AQP4: variants seen among roughly 807,000 people sequenced by gnomAD.
The protein encoded by AQP4 is aquaporin-4.
A neutral mutation model predicts 27.8 loss-of-function variants in AQP4; 18 were observed. The ratio of observed to expected loss-of-function variants is 0.65; its 90% CI spans 0.45 to 0.96. The LOEUF is 0.96. Ranked by LOEUF, AQP4 falls within the 40% of genes least tolerant of loss-of-function variation. The pLI, the probability that AQP4 is intolerant of heterozygous loss-of-function variation, is 0.00. For missense variants in AQP4, 412 were observed against 408.2 expected, an observed-to-expected ratio of 1.01 and a Z score of -0.08; for synonymous variants, 141 against 142.9, an observed-to-expected ratio of 0.99 and a Z score of 0.10.
At chr18:26,862,855 G>A (rs997994675) in intron 1 of AQP4, 15 of 556,124 alleles carry the variant, frequency 2.7e-5, no homozygotes, top group Non-Finnish European at 4.5e-5. Context: ...AAGGAAAAAT[G>A]TCTAAATCAA....
chr18:26,856,525 G>A lies in AQP4; in HGVS notation c.694-36C>T, dbSNP rs1568065379. 1.9e-6 allele frequency: 3 copies of A among 1,608,130 alleles called. No individual in the cohort carries two copies. In the South Asian group the frequency reaches 3.3e-5, roughly 18 times the overall value. On this transcript the variant is annotated intron_variant, in intron 4 of 4. Transcript: ENST00000383168. ...GATGGAAGAGGATAGAGTGTAAGTA[G>A]AGAAAAGCTATTCCATTGAGCAGCT...
intron 1 of AQP4, among the ~76,000 whole-genome samples, chr18:26,865,069 GAT>G (rs1281080919): frequency 6.7e-6 from 1 of 149,034 alleles, no homozygotes; most frequent in Non-Finnish European, 1.5e-5. Flanking sequence ...ACAAAAATCT[GAT>G]CTTCTTCCAA....
chr18:26,855,520 T>C lies in AQP4; in HGVS notation c.*691A>G, dbSNP rs2054826113. The C allele has an allele frequency of 6.6e-6, 1 of 152,492 alleles. No individual in the cohort carries two copies. Among genetic ancestry groups the C allele is most frequent in the South Asian group, 2.1e-4 (1 of 4,840 alleles). 9.4% of individuals were successfully genotyped at this position (152,492 alleles called of 1,614,324 possible). ...TTGTCTTGAATCTCAATAGGTGCCCTTATGATTTGGGAAGGATTTCTGAAT... is the reference window on the plus strand; with the variant it reads ...TTGTCTTGAATCTCAATAGGTGCCCCTATGATTTGGGAAGGATTTCTGAAT... On this transcript the variant is annotated 3_prime_UTR_variant, in exon 5 of 5. Coordinates refer to ENST00000383168, the MANE Select transcript of AQP4 (RefSeq NM_001650.7).
At chr18:26,859,915 C>T (rs1001846508) in intron 4 of AQP4, among the ~76,000 whole-genome samples, 3 of 152,104 alleles carry the variant, frequency 2.0e-5, no homozygotes, top group Non-Finnish European at 4.4e-5. Flanking sequence ...TAAAAGCTAG[C>T]GCTCTTTGAA....
intron 1 of AQP4, chr18:26,865,337 A>G: frequency 2.2e-6 from 1 of 460,386 alleles, no homozygotes; most frequent in East Asian, 4.3e-5. Context: ...AGCTTCATCC[A>G]CTCCAGGACA....
intron 4 of AQP4, among the ~76,000 whole-genome samples, chr18:26,858,700 A>G (rs747872626): frequency 1.3e-5 from 2 of 152,244 alleles, no homozygotes; most frequent in African/African-American, 2.4e-5. Flanking sequence ...GGAGACTAGA[A>G]CAGCAAAATA....
At position 26,855,510 on chromosome 18, in the gene AQP4, A is replaced by G. The variant is rs1163233127; in HGVS notation, c.*701T>C. On this transcript the variant is annotated 3_prime_UTR_variant, in exon 5 of 5. Coordinates refer to ENST00000383168, the MANE Select transcript of AQP4 (RefSeq NM_001650.7). ...ACGAGTCTGCTTGTCTTGAATCTCA[A>G]TAGGTGCCCTTATGATTTGGGAAGG... The G allele has an allele frequency of 2.0e-5, 3 of 152,422 alleles. No individual in the cohort carries two copies. Among genetic ancestry groups the G allele is most frequent in the Non-Finnish European group, 4.4e-5 (3 of 68,246 alleles). The allele number at this position is 152,422 out of a possible 1,614,324, so 9.4% of individuals were successfully genotyped here.
Position 26,863,994 on chromosome 18 carries a change from T to TGGG in AQP4, c.33-1401_33-1399dup, listed in dbSNP as rs56027623. 2.2e-4 allele frequency among the ~76,000 whole-genome samples: 32 copies of TGGG among 146,120 alleles called. 1 individual carries two copies. The highest frequency in any genetic ancestry group is 4.1e-4 in the African/African-American group (16 of 38,952). On this transcript the variant is annotated intron_variant, in intron 1 of 4. Transcript: ENST00000383168. ...CAGGAAATGGCTAGGATTCCCCTTT[T>TGGG]GGGGGGGGGGGGCAATTACCCCAGT...
chr18:26,865,347 A>G, intron 1 of AQP4: 1 of 484,098 alleles, frequency 2.1e-6, no homozygotes. Flanking sequence ...ACTCCAGGAC[A>G]GCTGAGCGTC....
At chr18:26,860,140 T>C (rs934048746) in intron 4 of AQP4, among the ~76,000 whole-genome samples, 2 of 152,208 alleles carry the variant, frequency 1.3e-5, no homozygotes, top group African/African-American at 2.4e-5. Flanking sequence ...TATAATAGTT[T>C]AGGTTTGAGA....
At position 26,852,926 on chromosome 18, in the gene AQP4, T is replaced by G. The variant is rs2054775778; in HGVS notation, c.*3285A>C. On this transcript the variant is annotated 3_prime_UTR_variant, in exon 5 of 5. Coordinates refer to ENST00000383168, the MANE Select transcript of AQP4 (RefSeq NM_001650.7). ...TCGTAACGTGAGGTTGGTGTCAACA[T>G]GCTGCAATCAGAGGCCTTCTAGGAT... 7.5e-6 allele frequency: 3 copies of G among 398,372 alleles called. No homozygotes were observed. The highest frequency in any genetic ancestry group is 1.3e-5 in the Non-Finnish European group (3 of 225,948). The allele number at this position is 398,372 out of a possible 1,614,324, so 24.7% of individuals were successfully genotyped here. A position where few individuals can be genotyped will look rare whatever the true frequency, so the allele number is the denominator to read the frequency against.
rs185761024 is a variant in AQP4 at position 26,860,310 on chromosome 18, G to A, written c.693+462C>T. On this transcript the variant is annotated intron_variant, in intron 4 of 4. Transcript: ENST00000383168. ...GTTCATGCATTTGTAAACAAAAAAA[G>A]GGTAAATATCTTTGCTATGGGCAGC... is the stretch of plus-strand genomic sequence containing the variant. 1.4e-4 allele frequency among the ~76,000 whole-genome samples: 22 copies of A among 152,270 alleles called. No homozygotes were observed. In the East Asian group the frequency reaches 3.9e-3, roughly 27 times the overall value.
chr18:26,861,908 G>A (rs2054952841), intron 2 of AQP4: 1 of 519,402 alleles, frequency 1.9e-6, no homozygotes, highest in Non-Finnish European at 3.5e-6. Flanking sequence ...AGTCAATATA[G>A]TAATTGGAAT....
chr18:26,861,249 ATCAAC>A lies in AQP4; in HGVS notation c.489_493del (p.Glu163AspfsTer15). 2 of 1,614,120 alleles carry A rather than the reference ATCAAC, an allele frequency of 1.2e-6. No individual in the cohort carries two copies. Among genetic ancestry groups the A allele is most frequent in the Non-Finnish European group, 1.7e-6 (2 of 1,179,950 alleles). On this transcript the variant is annotated frameshift_variant, in exon 3 of 5. Coordinates refer to ENST00000383168, the MANE Select transcript of AQP4 (RefSeq NM_001650.7). LOFTEE classifies it high-confidence loss of function. Reference sequence around the variant, plus strand: ...AGTAAACACCAATTGAAATGTGATTATCAACTCAACCAGGAGACCATGACCAGCGG... The same window carrying A: ...AGTAAACACCAATTGAAATGTGATTATCAACCAGGAGACCATGACCAGCGG...
Position 26,856,453 on chromosome 18 carries a change from C to A in AQP4, c.730G>T (p.Ala244Ser). Reference protein sequence around the residue: ...WVGPIIGAVLAGGLYEYVFCP... With the variant: ...WVGPIIGAVLSGGLYEYVFCP... ...AAGACATACTCATAAAGGCCACCAG[C>A]GAGGACAGCTCCTATGATGGGCCCA... Residue 244 changes from alanine to serine, a missense_variant, in exon 5 of 5, where the codon GCT (alanine) becomes TCT (serine). Coordinates refer to ENST00000383168, the MANE Select transcript of AQP4 (RefSeq NM_001650.7). The A allele has an allele frequency of 1.2e-6, 2 of 1,614,160 alleles. No individual in the cohort carries two copies. Among genetic ancestry groups the A allele is most frequent in the Middle Eastern group, 1.6e-4 (1 of 6,062 alleles).
chr18:26,860,795 T>C lies in AQP4; in HGVS notation c.670A>G (p.Met224Val). The change falls in exon 4 of 5, where the codon ATG becomes GTG. Residue 224 changes from methionine to valine, a missense_variant. Met to Val is a conservative substitution (Grantham distance 21). Coordinates refer to ENST00000383168, the MANE Select transcript of AQP4 (RefSeq NM_001650.7). ...PARSFGPAVI[M>V]GNWENHWIYW... ...ACCCAATGGTTTTCCCAATTTCCCA[T>C]GATAACTGCAGGTCCAAAGGATCGG... The C allele has an allele frequency of 6.2e-7, 1 of 1,614,082 alleles. No homozygotes were observed. The highest frequency in any genetic ancestry group is 1.7e-5 in the Admixed American group (1 of 60,022).
upstream of AQP4, chr18:26,865,775 T>G (rs1188463430): frequency 6.5e-7 from 1 of 1,544,892 alleles, no homozygotes; most frequent in Non-Finnish European, 8.9e-7. Context: ...CTTGTCTGAT[T>G]GGGTTTTTGG....
rs547265556 is a variant in AQP4 at position 26,854,251 on chromosome 18, C to T, written c.*1960G>A. The T allele has an allele frequency of 2.0e-5, 3 of 152,320 alleles. No homozygotes were observed. Among genetic ancestry groups the T allele is most frequent in the Admixed American group, 6.5e-5 (1 of 15,296 alleles). The allele number at this position is 152,320 out of a possible 1,614,324, so 9.4% of individuals were successfully genotyped here. On this transcript the variant is annotated 3_prime_UTR_variant, in exon 5 of 5. Coordinates refer to ENST00000383168, the MANE Select transcript of AQP4 (RefSeq NM_001650.7). ...TATTCAAAAAATCTGCTTAACACTT[C>T]CTTGTTAACCGAACTTATTTTTAAA...
At chr18:26,863,453 C>G (rs953468003) in intron 1 of AQP4, among the ~76,000 whole-genome samples, 4 of 152,106 alleles carry the variant, frequency 2.6e-5, no homozygotes, top group Admixed American at 6.5e-5. Context: ...AGCGGCCCCG[C>G]GAGCTCGCCC....
Sources: allele counts gnomAD v4.1 joint callset (sites outside exome capture counted in the v4.1 genomes callset), GRCh38; gene constraint gnomAD v4.1.1; transcripts MANE v1.5; gene names NCBI Gene and HGNC (gene_info 2026-07-23, HGNC 2026-07-21).